KAZN: variants seen among roughly 807,000 people sequenced by gnomAD.
The protein encoded by KAZN is kazrin.
KAZN carries 40 observed loss-of-function variants against 87.4 expected under a neutral mutation model. The observed-to-expected ratio is 0.46, with a 90% CI of 0.36 to 0.60. KAZN has a LOEUF of 0.60. KAZN is among the 20% of genes least tolerant of loss of function. The probability of loss-of-function intolerance (pLI) is 0.00; values close to 1 mark genes in which losing one functional copy is unlikely to be tolerated. For synonymous variants in KAZN, 466 were observed against 458.3 expected, an observed-to-expected ratio of 1.02 and a Z score of -0.22; for missense variants, 898 against 1,073.9, an observed-to-expected ratio of 0.84 and a Z score of 2.29.
At chr1:14,934,045 C>T (rs1321159458) in intron 1 of KAZN, among the ~76,000 whole-genome samples, 17 of 151,652 alleles carry the variant, frequency 1.1e-4, no homozygotes, top group African/African-American at 2.9e-4. Flanking sequence ...TTAGTAGAGA[C>T]GGGGTTTCAC....
At chr1:14,048,850 A>T (rs914078994) in intron 1 of KAZN, among the ~76,000 whole-genome samples, 2 of 152,210 alleles carry the variant, frequency 1.3e-5, no homozygotes, top group Admixed American at 6.5e-5. Flanking sequence ...CACCACACTG[A>T]CTTCCATAAT....
At chr1:14,713,629 T>G (rs1012447090) in intron 1 of KAZN, among the ~76,000 whole-genome samples, 1 of 151,906 alleles carries the variant, frequency 6.6e-6, no homozygotes, top group Non-Finnish European at 1.5e-5. Flanking sequence ...AAGACTTACC[T>G]GGCCCCAAGT....
chr1:14,637,433 T>A (rs1680074944), intron 1 of KAZN, among the ~76,000 whole-genome samples: 1 of 152,202 alleles, frequency 6.6e-6, no homozygotes, highest in East Asian at 1.9e-4. Flanking sequence ...AAACTGAGGC[T>A]CGGAAAGGTC....
At chr1:13,958,805 A>C (rs1281461067) in intron 1 of KAZN, among the ~76,000 whole-genome samples, 4 of 151,968 alleles carry the variant, frequency 2.6e-5, no homozygotes, top group Non-Finnish European at 4.4e-5. Context: ...CAGAGAGGAG[A>C]CCAATGTGGC....
At chr1:14,360,502 C>T (rs1380688364) in intron 2 of KAZN, among the ~76,000 whole-genome samples, 2 of 152,102 alleles carry the variant, frequency 1.3e-5, no homozygotes, top group Non-Finnish European at 2.9e-5. Flanking sequence ...GAGCTGTGAT[C>T]CTTTGGAGGA....
intron 1 of KAZN, among the ~76,000 whole-genome samples, chr1:14,145,132 T>A (rs943255164): frequency 1.3e-5 from 2 of 152,150 alleles, no homozygotes; most frequent in Admixed American, 1.3e-4. Flanking sequence ...TCTCCCAGCT[T>A]CAATGTTCTC....
intron 2 of KAZN, among the ~76,000 whole-genome samples, chr1:14,239,748 C>T (rs1366666730): frequency 6.6e-6 from 1 of 151,782 alleles, no homozygotes; most frequent in East Asian, 1.9e-4. Context: ...GCATGAACCA[C>T]CACACCCAGC....
In KAZN at chr1:14,257,957, A is replaced by C. The variant is rs1251878716; in HGVS notation, c.249+77365A>C. Among the ~76,000 whole-genome samples, 3 of 40,294 alleles carry C rather than the reference A, an allele frequency of 7.4e-5. No homozygotes were observed. In the Admixed American group the frequency reaches 8.1e-4, roughly 11 times the overall value. 26.4% of individuals were successfully genotyped at this position (40,294 alleles called of 152,430 possible). On this transcript the variant is annotated intron_variant, in intron 2 of 16. Transcript: ENST00000636203. ...TTAGAGTATAATAAAAAAAAAAAAC[A>C]TTAAAAAAAAAAAAAGAGAAAAAAA...
intron 2 of KAZN, among the ~76,000 whole-genome samples, chr1:14,441,369 G>A (rs1052436426): frequency 3.3e-5 from 5 of 151,990 alleles, no homozygotes; most frequent in Admixed American, 1.3e-4. Context: ...GGGCAGCAGC[G>A]GCAGCGGCAG....
intron 2 of KAZN, among the ~76,000 whole-genome samples, chr1:14,552,216 G>A (rs1673574768): frequency 6.6e-6 from 1 of 152,138 alleles, no homozygotes; most frequent in South Asian, 2.1e-4. Flanking sequence ...CTCTCCCTTT[G>A]CCACCATCCT....
intron 1 of KAZN, among the ~76,000 whole-genome samples, chr1:14,131,531 G>T (rs1034402053): frequency 3.3e-5 from 5 of 152,130 alleles, no homozygotes; most frequent in South Asian, 2.1e-4. Context: ...ATTGTGTTCT[G>T]CTTGGATCTC....
chr1:14,797,988 C>G (rs983030373), intron 1 of KAZN, among the ~76,000 whole-genome samples: 2 of 152,204 alleles, frequency 1.3e-5, no homozygotes, highest in East Asian at 1.9e-4. Flanking sequence ...TCTTTGTACA[C>G]TGGGAAGAAG....
intron 2 of KAZN, among the ~76,000 whole-genome samples, chr1:14,493,220 C>T (rs966355934): frequency 6.6e-6 from 1 of 152,100 alleles, no homozygotes; most frequent in Non-Finnish European, 1.5e-5. Flanking sequence ...TGTGTCTTTG[C>T]CTATTGTCTT....
chr1:15,067,528 C>T, intron 8 of KAZN: 5 of 985,480 alleles, frequency 5.1e-6, no homozygotes, highest in Non-Finnish European at 6.0e-6. Flanking sequence ...CAACTAACAG[C>T]TCAACCCACA....
chr1:14,928,559 T>G (rs1659436917), intron 1 of KAZN, among the ~76,000 whole-genome samples: 1 of 152,236 alleles, frequency 6.6e-6, no homozygotes, highest in East Asian at 1.9e-4. Flanking sequence ...ATTCCTTGTT[T>G]TAAGCAACGC....
In KAZN at chr1:14,778,141, A is replaced by G. The variant is rs1645231806; in HGVS notation, c.226+178918A>G. Among the ~76,000 whole-genome samples the G allele has an allele frequency of 2.6e-5, 4 of 152,134 alleles. No individual in the cohort carries two copies. The South Asian group carries it at 8.3e-4, about 32-fold the overall frequency. On this transcript the variant is annotated intron_variant, in intron 1 of 14. Coordinates refer to ENST00000376030, the MANE Select transcript of KAZN (RefSeq NM_201628.3). ...GCCCAGTAGGTCTCAGCCTTATTTT[A>G]CCCAATCTCTATTCAAGATGGAGTC...
intron 1 of KAZN, among the ~76,000 whole-genome samples, chr1:14,831,334 G>T (rs1167235286): frequency 6.6e-6 from 1 of 151,890 alleles, no homozygotes; most frequent in Non-Finnish European, 1.5e-5. Context: ...GGCAATCCCA[G>T]TTCCTCTGCT....
chr1:14,821,021 C>G (rs1445457764), intron 1 of KAZN, among the ~76,000 whole-genome samples: 2 of 152,124 alleles, frequency 1.3e-5, no homozygotes, highest in Non-Finnish European at 2.9e-5. Flanking sequence ...GAAAAGGAGG[C>G]AACATTCTGA....
At chr1:14,225,680 G>C (rs1647244658) in intron 2 of KAZN, among the ~76,000 whole-genome samples, 1 of 152,020 alleles carries the variant, frequency 6.6e-6, no homozygotes, top group African/African-American at 2.4e-5. Context: ...CAGACACATA[G>C]GCCAATGGAA....
Sources: allele counts gnomAD v4.1 joint callset (sites outside exome capture counted in the v4.1 genomes callset), GRCh38; gene constraint gnomAD v4.1.1; transcripts MANE v1.5; gene names NCBI Gene and HGNC (gene_info 2026-07-23, HGNC 2026-07-21).